The following PCDHGA3 variants were observed in gnomAD, a reference collection of about 807,000 sequenced individuals.
PCDHGA3 encodes the protein protocadherin gamma-A3.
Under a neutral mutation model 58.5 loss-of-function variants are expected in PCDHGA3, and 40 were observed. That is an observed-to-expected ratio of 0.68 (90% confidence interval 0.53 to 0.89). The LOEUF (loss-of-function observed/expected upper bound fraction) is 0.89, where lower values mean the gene tolerates loss of function less well. Ranked by LOEUF, PCDHGA3 falls within the 40% of genes least tolerant of loss-of-function variation. The pLI, the probability that PCDHGA3 is intolerant of heterozygous loss-of-function variation, is 0.00. For missense variants in PCDHGA3, 1,223 were observed against 1,195.9 expected, an observed-to-expected ratio of 1.02 and a Z score of -0.33; for synonymous variants, 530 against 525.7, an observed-to-expected ratio of 1.01 and a Z score of -0.11.
intron 1 of PCDHGA3, chr5:141,426,585 T>C (rs2096944493): frequency 2.8e-6 from 1 of 358,848 alleles, no homozygotes; most frequent in African/African-American, 2.1e-5. Flanking sequence ...CAAAATCCTC[T>C]GTGTCATACC....
chr5:141,361,214 C>A, intron 1 of PCDHGA3: 1 of 1,613,912 alleles, frequency 6.2e-7, no homozygotes, highest in Non-Finnish European at 8.5e-7. Context: ...CCGGAGGATT[C>A]GCCACCAGGA....
chr5:141,347,147 CTT>C (rs1757905409), intron 1 of PCDHGA3, among the ~76,000 whole-genome samples: 1 of 129,464 alleles, frequency 7.7e-6, no homozygotes, highest in East Asian at 2.1e-4. Flanking sequence ...CTCTTTCTTT[CTT>C]TCTTTCTTTC....
intron 1 of PCDHGA3, chr5:141,418,575 C>T (rs2154547779): frequency 6.2e-7 from 1 of 1,614,018 alleles, no homozygotes; most frequent in East Asian, 2.2e-5. Context: ...AATGACAACC[C>T]CCCAGTGTTC....
rs553587727 is a variant in PCDHGA3, at chr5:141,419,523, G to A, written c.2424+73066G>A. The A allele has an allele frequency of 2.1e-4, 343 of 1,612,204 alleles. 3 individuals are homozygous for A. The South Asian group carries it at 3.5e-3, about 17-fold the overall frequency. ...AGCCTGCGCGTGTTGGTGGGCGACC[G>A]TAACGACAACGCACCGCGGGTGCTG... On this transcript the variant is annotated intron_variant, in intron 1 of 3. Coordinates refer to ENST00000253812, the MANE Select transcript of PCDHGA3 (RefSeq NM_018916.4).
intron 1 of PCDHGA3, chr5:141,390,154 C>A: frequency 6.2e-7 from 1 of 1,614,038 alleles, no homozygotes; most frequent in African/African-American, 1.3e-5. Flanking sequence ...GTTGCACATA[C>A]AGGAAAGACG....
intron 1 of PCDHGA3, among the ~76,000 whole-genome samples, chr5:141,429,890 C>A (rs2097251428): frequency 6.6e-6 from 1 of 152,112 alleles, no homozygotes; most frequent in African/African-American, 2.4e-5. Context: ...GTTTCCTGAA[C>A]AATAAATATT....
At chr5:141,347,596 G>T (rs913517115) in intron 1 of PCDHGA3, among the ~76,000 whole-genome samples, 1 of 152,098 alleles carries the variant, frequency 6.6e-6, no homozygotes, top group Non-Finnish European at 1.5e-5. Context: ...AGAACACCCT[G>T]GCCAACATGG....
chr5:141,400,189 C>T (rs376855933), intron 1 of PCDHGA3: 52 of 1,613,938 alleles, frequency 3.2e-5, no homozygotes, highest in Non-Finnish European at 4.2e-5. Flanking sequence ...GCAGTTTTAC[C>T]TAGTGGTGGC....
At chr5:141,419,204 GC>G (rs2096344015) in intron 1 of PCDHGA3, 9 of 1,613,916 alleles carry the variant, frequency 5.6e-6, no homozygotes, top group Non-Finnish European at 7.6e-6. Context: ...CAATGACAAC[GC>G]GCCGGTTTTC....
intron 1 of PCDHGA3, chr5:141,370,600 T>C: frequency 6.2e-7 from 1 of 1,613,984 alleles, no homozygotes; most frequent in East Asian, 2.2e-5. Flanking sequence ...CTGCGGGTTA[T>C]TGCAGAGAAG....
intron 1 of PCDHGA3, chr5:141,374,914 A>G: frequency 6.2e-7 from 1 of 1,613,906 alleles, no homozygotes; most frequent in African/African-American, 1.3e-5. Context: ...ACGGGGAAGT[A>G]ACTTATTCCT....
At chr5:141,399,627 C>A (rs751717107) in intron 1 of PCDHGA3, 19 of 1,613,788 alleles carry the variant, frequency 1.2e-5, no homozygotes, top group Non-Finnish European at 1.6e-5. Flanking sequence ...TGGCCTCTTA[C>A]GTGTCCATGA....
chr5:141,492,873 C>G (rs2099744714), intron 1 of PCDHGA3, among the ~76,000 whole-genome samples: 1 of 152,182 alleles, frequency 6.6e-6, no homozygotes, highest in Non-Finnish European at 1.5e-5. Context: ...CTCTCAACCC[C>G]CAGAGATACA....
At chr5:141,452,000 A>G (rs2098730428) in intron 1 of PCDHGA3, among the ~76,000 whole-genome samples, 1 of 152,198 alleles carries the variant, frequency 6.6e-6, no homozygotes, top group Admixed American at 6.5e-5. Flanking sequence ...AAGCAAAATC[A>G]CTTGGTCCAG....
intron 1 of PCDHGA3, 101 bp downstream of exon 1, chr5:141,346,558 G>A (rs763459310): frequency 6.7e-7 from 1 of 1,488,910 alleles, no homozygotes; most frequent in Non-Finnish European, 9.1e-7. Flanking sequence ...CCATGAGGTT[G>A]TCATTAGTCC....
Position 141,387,188 on chromosome 5 carries a change from A to AT in PCDHGA3, c.2424+40735dup, listed in dbSNP as rs756053244. On this transcript the variant is annotated intron_variant, in intron 1 of 3. Transcript: ENST00000253812. ...TATAAATTGCACCTTCTAAAAGGCA[A>AT]TTTTGGTATTACTGATACTCTCCGG... is the stretch of plus-strand genomic sequence containing the variant. Among the ~76,000 whole-genome samples the AT allele has an allele frequency of 1.8e-3, 273 of 152,232 alleles. 6 individuals carry two copies. Among genetic ancestry groups the AT allele is most frequent in the Non-Finnish European group, 6.8e-4 (46 of 68,046 alleles).
rs1040272495 is a variant in PCDHGA3, at chr5:141,345,349, C to G, written c.1316C>G (p.Thr439Ser). 3 of 1,613,964 alleles carry G rather than the reference C, an allele frequency of 1.9e-6. No individual in the cohort carries two copies. Among genetic ancestry groups the G allele is most frequent in the Non-Finnish European group, 2.5e-6 (3 of 1,179,830 alleles). Reference protein sequence around the residue: ...SPPLSTETHITLHVIDINDNP... With the variant: ...SPPLSTETHISLHVIDINDNP... Reference sequence around the variant, plus strand: ...CCACTGTCCACAGAAACTCACATCACCCTGCATGTGATTGACATCAATGAC... The same window carrying G: ...CCACTGTCCACAGAAACTCACATCAGCCTGCATGTGATTGACATCAATGAC... Residue 439 changes from threonine to serine, a missense_variant, in exon 1 of 4, where the codon ACC (threonine) becomes AGC (serine). Coordinates refer to ENST00000253812, the MANE Select transcript of PCDHGA3 (RefSeq NM_018916.4).
chr5:141,355,819 G>A (rs757822946), intron 1 of PCDHGA3: 2 of 1,613,058 alleles, frequency 1.2e-6, no homozygotes, highest in Middle Eastern at 1.6e-4. Context: ...GGAAGAGGCG[G>A]TTCACCACCT....
chr5:141,417,211 T>C (rs1027777607), intron 1 of PCDHGA3: 1 of 152,174 alleles, frequency 6.6e-6, no homozygotes, highest in Admixed American at 6.5e-5. Context: ...TAGGCTAGAA[T>C]TGAAGACAAA....
Sources: gnomAD v4.1 joint callset for allele counts (sites outside exome capture counted in the v4.1 genomes callset) on GRCh38, gnomAD v4.1.1 for gene constraint, MANE v1.5 for transcripts, NCBI Gene and HGNC (gene_info 2026-07-23, HGNC 2026-07-21) for gene names.